Variants in BRD10 observed in about 807,000 individuals in gnomAD.
BRD10 encodes bromodomain containing 10, also known as uncharacterized bromodomain-containing protein 10.
the BRD10 span, among the ~76,000 whole-genome samples, chr9:5,977,365 T>C: frequency 6.6e-6 from 1 of 152,194 alleles, no homozygotes; most frequent in Admixed American, 6.5e-5. Flanking sequence ...ATGGCTGGTA[T>C]AGGCCAGCAT....
chr9:5,890,416 C>T, the BRD10 span, among the ~76,000 whole-genome samples: 1 of 152,228 alleles, frequency 6.6e-6, no homozygotes, highest in African/African-American at 2.4e-5. Context: ...TTTAACTGGG[C>T]ATCCTCCTCA....
chr9:5,994,996 T>C, the BRD10 span, among the ~76,000 whole-genome samples: 60 of 151,604 alleles, frequency 4.0e-4, 1 homozygote, highest in African/African-American at 1.2e-3. Flanking sequence ...GCCTCCCTGG[T>C]TCAAGCAATT....
chr9:5,992,648 T>C, the BRD10 span, among the ~76,000 whole-genome samples: 1 of 151,990 alleles, frequency 6.6e-6, no homozygotes, highest in Non-Finnish European at 1.5e-5. Flanking sequence ...TATGCTGCCA[T>C]CCATAAGCAA....
chr9:5,970,945 G>C, the BRD10 span, among the ~76,000 whole-genome samples: 12 of 151,098 alleles, frequency 7.9e-5, no homozygotes, highest in Middle Eastern at 3.2e-3. Context: ...CCAGCTACTA[G>C]GGAGGCTGAG....
chr9:5,955,379 G>A, the BRD10 span, among the ~76,000 whole-genome samples: 3 of 152,056 alleles, frequency 2.0e-5, no homozygotes, highest in East Asian at 5.8e-4. Flanking sequence ...CCACTTAAAT[G>A]TCAATATTTT....
the BRD10 span, among the ~76,000 whole-genome samples, chr9:5,888,073 G>C: frequency 6.6e-6 from 1 of 152,304 alleles, no homozygotes; most frequent in South Asian, 2.1e-4. Flanking sequence ...GAAAGGAATG[G>C]GTCCTCAGGT....
the BRD10 span, chr9:5,923,183 T>A: frequency 2.5e-6 from 4 of 1,614,046 alleles, no homozygotes; most frequent in Non-Finnish European, 3.4e-6. Flanking sequence ...ATCCACATAA[T>A]CAGTTTGTTT....
the BRD10 span, among the ~76,000 whole-genome samples, chr9:5,954,323 A>T: frequency 5.9e-5 from 9 of 152,366 alleles, no homozygotes; most frequent in African/African-American, 2.2e-4. Context: ...ATATGAACTG[A>T]ACGATTACCA....
the BRD10 span, among the ~76,000 whole-genome samples, chr9:5,918,148 A>G: frequency 6.6e-6 from 1 of 152,150 alleles, no homozygotes; most frequent in Non-Finnish European, 1.5e-5. Context: ...ATGACTAGGA[A>G]AAGTACTTAG....
chr9:5,912,627 T>A, the BRD10 span, among the ~76,000 whole-genome samples: 1 of 152,094 alleles, frequency 6.6e-6, no homozygotes, highest in African/African-American at 2.4e-5. Flanking sequence ...GAAAGGGAGA[T>A]CCTTGTGACC....
chr9:5,958,596 G>A, the BRD10 span, among the ~76,000 whole-genome samples: 1 of 152,014 alleles, frequency 6.6e-6, no homozygotes, highest in East Asian at 1.9e-4. Flanking sequence ...AGGCCAGGTG[G>A]GCAACATAGC....
At chr9:5,969,127 G>A in the BRD10 span, 1 of 1,613,808 alleles carries the variant, frequency 6.2e-7, no homozygotes. Flanking sequence ...CTGCTTCCCA[G>A]GTCCTATAAG....
the BRD10 span, among the ~76,000 whole-genome samples, chr9:5,947,401 T>C: frequency 6.6e-6 from 1 of 152,100 alleles, no homozygotes; most frequent in Admixed American, 6.6e-5. Flanking sequence ...TCTGGTACCA[T>C]GGAGCTAATG....
chr9:5,997,218 A>C, the BRD10 span, among the ~76,000 whole-genome samples: 3 of 152,352 alleles, frequency 2.0e-5, no homozygotes, highest in Non-Finnish European at 4.4e-5. Flanking sequence ...GCAAGTGGCT[A>C]TTACAGTGTC....
the BRD10 span, among the ~76,000 whole-genome samples, chr9:6,004,614 G>A: frequency 6.6e-6 from 1 of 152,244 alleles, no homozygotes; most frequent in East Asian, 1.9e-4. Flanking sequence ...ATATATTCCA[G>A]AAGTCAACGG....
At chr9:5,925,197 A>G in the BRD10 span, among the ~76,000 whole-genome samples, 1 of 151,956 alleles carries the variant, frequency 6.6e-6, no homozygotes, top group Admixed American at 6.6e-5. Context: ...TGTCTCTACT[A>G]AAAATACAAA....
chr9:5,932,374 G>A, the BRD10 span, among the ~76,000 whole-genome samples: 1 of 152,090 alleles, frequency 6.6e-6, no homozygotes, highest in Non-Finnish European at 1.5e-5. Context: ...ATACAGGGAA[G>A]TACAGTTGAC....
the BRD10 span, among the ~76,000 whole-genome samples, chr9:5,966,501 C>T: frequency 9.6e-6 from 1 of 104,118 alleles, no homozygotes; most frequent in East Asian, 3.2e-4. Context: ...GCTCTGTTGA[C>T]CAGGCTGGGG....
At chr9:5,900,307 T>A in the BRD10 span, among the ~76,000 whole-genome samples, 7 of 152,304 alleles carry the variant, frequency 4.6e-5, no homozygotes, top group Admixed American at 3.3e-4. Context: ...GTTTGTAGTT[T>A]CTGAGACTTT....
Sources: gnomAD v4.1 joint callset for allele counts (sites outside exome capture counted in the v4.1 genomes callset) on GRCh38, gnomAD v4.1.1 for gene constraint, MANE v1.5 for transcripts, NCBI Gene and HGNC (gene_info 2026-07-23, HGNC 2026-07-21) for gene names.